IGSF10: variants seen among roughly 807,000 people sequenced by gnomAD.
IGSF10 encodes immunoglobulin superfamily member 10.
A neutral mutation model predicts 128.2 loss-of-function variants in IGSF10; 126 were observed. That is an observed-to-expected ratio of 0.98 (90% CI 0.85 to 1.14). The LOEUF is 1.14. IGSF10 is among the 50% of genes most tolerant of loss of function. IGSF10 has a pLI of 0.00. For missense variants in IGSF10, 3,295 were observed against 3,149.8 expected, an observed-to-expected ratio of 1.05 and a Z score of -1.10; for synonymous variants, 1,185 against 1,146.2, an observed-to-expected ratio of 1.03 and a Z score of -0.68.
intron 4 of IGSF10, among the ~76,000 whole-genome samples, chr3:151,454,520 G>A (rs1419850888): frequency 6.6e-6 from 1 of 151,910 alleles, no homozygotes; most frequent in East Asian, 1.9e-4. Context: ...ATTGCAGCTG[G>A]GTAATGGTCC....
chr3:151,432,635 G>A (rs536782350), downstream of IGSF10: 56 of 740,016 alleles, frequency 7.6e-5, no homozygotes, highest in South Asian at 8.2e-4. Flanking sequence ...AGTACTCTCC[G>A]GCCATTCTGT....
chr3:151,467,949 T>C, the IGSF10 span, among the ~76,000 whole-genome samples: 1 of 151,958 alleles, frequency 6.6e-6, no homozygotes, highest in Non-Finnish European at 1.5e-5. Context: ...TTACATTCAA[T>C]TTCTAATATT....
the IGSF10 span, among the ~76,000 whole-genome samples, chr3:151,511,115 G>A: frequency 1.5e-4 from 23 of 152,062 alleles, 1 homozygote; most frequent in African/African-American, 3.9e-4. Flanking sequence ...TACAGAGAAC[G>A]CCACAAAGAT....
the IGSF10 span, among the ~76,000 whole-genome samples, chr3:151,593,080 T>C: frequency 6.6e-6 from 1 of 152,216 alleles, no homozygotes; most frequent in Admixed American, 6.5e-5. Context: ...TTTTATTAAT[T>C]AAACCTAAGT....
At chr3:151,466,556 A>G in the IGSF10 span, among the ~76,000 whole-genome samples, 6 of 152,048 alleles carry the variant, frequency 3.9e-5, no homozygotes, top group African/African-American at 1.4e-4. Flanking sequence ...TTATGGGCCC[A>G]GCACGTGTTT....
chr3:151,575,188 C>T, the IGSF10 span, among the ~76,000 whole-genome samples: 293 of 152,316 alleles, frequency 1.9e-3, 1 homozygote, highest in African/African-American at 6.3e-3. Context: ...TTAGGCTACA[C>T]GGGGATCAGG....
the IGSF10 span, among the ~76,000 whole-genome samples, chr3:151,479,453 G>A: frequency 6.6e-6 from 1 of 151,544 alleles, no homozygotes; most frequent in Admixed American, 6.6e-5. Flanking sequence ...TCTTTTTTAG[G>A]TTTAATATTT....
rs138224788 is a variant in IGSF10 at position 151,438,428 on chromosome 3, A to G, written c.6133T>C (p.Tyr2045His). ...CCATGGAGCACTTGCTTTCTAAAAT[A>G]CTGCTTGTGGTCAATTTTGGCAGGT... ...LKPAKIDHKQ[Y>H]FRKQVLHGKD... The change falls in exon 8 of 8, where the codon TAT becomes CAT. Residue 2045 changes from tyrosine (Y) to histidine (H), a missense_variant. Transcript: ENST00000282466. 7.1e-5 allele frequency: 114 copies of G among 1,613,978 alleles called. No homozygotes were observed. The African/African-American group carries it at 1.3e-3, about 19-fold the overall frequency.
chr3:151,616,660 T>C, the IGSF10 span, among the ~76,000 whole-genome samples: 2 of 152,240 alleles, frequency 1.3e-5, no homozygotes, highest in African/African-American at 4.8e-5. Context: ...AAATTCATTA[T>C]TGACAAGCTG....
chr3:151,562,859 G>A, the IGSF10 span, among the ~76,000 whole-genome samples: 1 of 152,054 alleles, frequency 6.6e-6, no homozygotes, highest in Non-Finnish European at 1.5e-5. Context: ...GTCAGGGAGT[G>A]GTCGGATGGA....
chr3:151,465,155 C>A (rs1722235095), upstream of IGSF10, among the ~76,000 whole-genome samples: 1 of 152,158 alleles, frequency 6.6e-6, no homozygotes, highest in Admixed American at 6.5e-5. Context: ...GATTTTAGAT[C>A]TGGAGGAACA....
chr3:151,534,710 G>A, the IGSF10 span, among the ~76,000 whole-genome samples: 231 of 152,044 alleles, frequency 1.5e-3, 4 homozygotes, highest in Non-Finnish European at 1.0e-3. Context: ...TGTAGATGAC[G>A]GGTCAATGGG....
At chr3:151,493,533 T>C in the IGSF10 span, among the ~76,000 whole-genome samples, 2 of 152,150 alleles carry the variant, frequency 1.3e-5, no homozygotes, top group African/African-American at 2.4e-5. Context: ...CTTACAACTG[T>C]GTTGCAGTTG....
chr3:151,453,659 T>TTA lies in IGSF10; in HGVS notation c.439_440insTA (p.Glu147ValfsTer31). ...GAGAAAGTTGAGCCCATAAAAAACC[T>TTA]CTGGGTTTATAAACTCAATATTGTT... On this transcript the variant is annotated frameshift_variant, in exon 5 of 8. Coordinates refer to ENST00000282466, the MANE Select transcript of IGSF10 (RefSeq NM_178822.5). LOFTEE classifies it high-confidence loss of function. 1 of 1,613,824 alleles carries TTA rather than the reference T, an allele frequency of 6.2e-7. No individual in the cohort carries two copies. The highest frequency in any genetic ancestry group is 8.5e-7 in the Non-Finnish European group (1 of 1,179,734).
At chr3:151,473,651 G>A in the IGSF10 span, among the ~76,000 whole-genome samples, 1 of 152,156 alleles carries the variant, frequency 6.6e-6, no homozygotes, top group Non-Finnish European at 1.5e-5. Flanking sequence ...ATTTCCCACT[G>A]GATGTTGTTC....
the IGSF10 span, among the ~76,000 whole-genome samples, chr3:151,512,186 T>G: frequency 1.1e-4 from 17 of 152,280 alleles, no homozygotes; most frequent in South Asian, 2.1e-4. Flanking sequence ...ACACCACACC[T>G]ATTCCAAAAT....
the IGSF10 span, among the ~76,000 whole-genome samples, chr3:151,590,600 C>G: frequency 6.6e-6 from 1 of 151,898 alleles, no homozygotes; most frequent in Non-Finnish European, 1.5e-5. Context: ...CATGGTTGCA[C>G]AGGAAAAAAA....
At chr3:151,608,702 C>T in the IGSF10 span, among the ~76,000 whole-genome samples, 2 of 152,216 alleles carry the variant, frequency 1.3e-5, no homozygotes, top group East Asian at 3.9e-4. Context: ...ATATTTTGGA[C>T]ATTAGGGGCA....
At chr3:151,554,313 TA>T in the IGSF10 span, among the ~76,000 whole-genome samples, 11 of 151,978 alleles carry the variant, frequency 7.2e-5, no homozygotes, top group Non-Finnish European at 1.0e-4. Flanking sequence ...AAAATAAAAA[TA>T]AAAAAATTAT....
Sources: allele counts gnomAD v4.1 joint callset (sites outside exome capture counted in the v4.1 genomes callset), GRCh38; gene constraint gnomAD v4.1.1; transcripts MANE v1.5; gene names NCBI Gene and HGNC (gene_info 2026-07-23, HGNC 2026-07-21).